The following MAP4 variants were observed in gnomAD, a reference collection of about 807,000 sequenced individuals.
MAP4 encodes microtubule associated protein 4.
A neutral mutation model predicts 170.2 loss-of-function variants in MAP4; 76 were observed. That is an observed-to-expected ratio of 0.45 (90% CI 0.37 to 0.54). The LOEUF is 0.54. Ranked by LOEUF, MAP4 falls within the 20% of genes least tolerant of loss-of-function variation. The pLI is 0.00. For synonymous variants in MAP4, 909 were observed against 994.5 expected (o/e 0.91, Z 1.62); for missense variants, 2,506 against 2,748.0 (o/e 0.91, Z 1.97).
At chr3:48,041,866 C>CAG (rs564782028) in intron 1 of MAP4, among the ~76,000 whole-genome samples, 9 of 152,116 alleles carry the variant, frequency 5.9e-5, no homozygotes, top group South Asian at 2.1e-4. Flanking sequence ...TAACATACTA[C>CAG]AGAAAGCTAT....
At chr3:48,020,798 T>G (rs1409848749), upstream of MAP4, among the ~76,000 whole-genome samples, 1 of 151,906 alleles carries the variant, frequency 6.6e-6, no homozygotes, top group Non-Finnish European at 1.5e-5. Context: ...TGTTGTTTTG[T>G]TTTTTTTAGA....
chr3:47,911,321 C>T lies in MAP4; in HGVS notation c.3100G>A (p.Glu1034Lys). Residue 1034 changes from glutamate to lysine, a missense_variant, in exon 9 of 21, where the codon GAG becomes AAG. Coordinates refer to ENST00000683076, the MANE Select transcript of MAP4 (RefSeq NM_001385682.1). This position sits in a 1 kb window ranked among gnomAD's most constrained non-coding sequence, Gnocchi z 4.0. The part of the protein sequence containing the change: ...ERQEISIFTS[E>K]QLQGQVLVQV... ...ACCAACACTTGGCCCTGCAGCTGCT[C>T]AGAAGTAAAGATGCTGATCTCTTGT... 1 of 1,536,102 alleles carries T rather than the reference C, an allele frequency of 6.5e-7. No homozygotes were observed. The highest frequency in any genetic ancestry group is 8.7e-7 in the Non-Finnish European group (1 of 1,146,898).
intron 1 of MAP4, among the ~76,000 whole-genome samples, chr3:48,056,958 C>T (rs1468709498): frequency 1.5e-5 from 2 of 130,576 alleles, no homozygotes; most frequent in Non-Finnish European, 3.3e-5. Flanking sequence ...CCCCGCCCGG[C>T]CAGCCGCCCC....
At chr3:48,011,728 G>A (rs1364890217) in intron 1 of MAP4, among the ~76,000 whole-genome samples, 2 of 152,182 alleles carry the variant, frequency 1.3e-5, no homozygotes, top group East Asian at 3.9e-4. Flanking sequence ...TCATTAAAGA[G>A]CTTTTAAAAG....
chr3:47,907,727 AAAG>A (rs2100033896), intron 9 of MAP4, among the ~76,000 whole-genome samples: 1 of 152,246 alleles, frequency 6.6e-6, no homozygotes, highest in East Asian at 1.9e-4. Flanking sequence ...TGCTGAAACT[AAAG>A]AATGGGTCTA....
At chr3:48,061,244 C>A (rs571721796) in intron 1 of MAP4, among the ~76,000 whole-genome samples, 65 of 151,632 alleles carry the variant, frequency 4.3e-4, no homozygotes, top group Admixed American at 1.4e-3. Flanking sequence ...TGATGCCGAG[C>A]CGAAGCTGGA....
chr3:48,080,158 C>G (rs1037176622), intron 1 of MAP4, among the ~76,000 whole-genome samples: 1 of 152,050 alleles, frequency 6.6e-6, no homozygotes, highest in Non-Finnish European at 1.5e-5. Flanking sequence ...AAAATTAGGA[C>G]CACTGAAGAG....
At chr3:48,022,251 G>A (rs1297224639) in intron 1 of MAP4, among the ~76,000 whole-genome samples, 3 of 152,162 alleles carry the variant, frequency 2.0e-5, no homozygotes, top group Non-Finnish European at 4.4e-5. Flanking sequence ...CACAGAGGCA[G>A]ATGAAGAAAA....
intron 2 of MAP4, among the ~76,000 whole-genome samples, chr3:47,995,089 G>C (rs994848887): frequency 4.6e-5 from 7 of 151,966 alleles, no homozygotes; most frequent in African/African-American, 1.7e-4. Flanking sequence ...TGGACCAATT[G>C]GATTTTGTAC....
chr3:48,045,258 C>CAAA (rs34377968), intron 1 of MAP4, among the ~76,000 whole-genome samples: 8 of 102,070 alleles, frequency 7.8e-5, no homozygotes, highest in Admixed American at 1.1e-4. Context: ...GACTCAGTCT[C>CAAA]AAAAAAAAAA....
rs1415576595 is a variant in MAP4, at chr3:47,909,497, G to A, written c.4924C>T (p.Gln1642Ter). The A allele has an allele frequency of 1.9e-6, 3 of 1,613,556 alleles. No homozygotes were observed. Among genetic ancestry groups the A allele is most frequent in the Non-Finnish European group, 2.5e-6 (3 of 1,179,866 alleles). ...TCTGAACCTTTGGAATTTCTATCTTGAGCATTTTGGTCCTCACAAAAACTG... is the reference window on the plus strand; with the variant it reads ...TCTGAACCTTTGGAATTTCTATCTTAAGCATTTTGGTCCTCACAAAAACTG... Reference protein sequence around the residue: ...KLSFCEDQNAQDRNSKGSDSL... With the variant: ...KLSFCEDQNA The change falls in exon 9 of 21, where the codon CAA becomes TAA. Residue 1642 changes from glutamine (Q) to a stop codon, truncating the protein, a stop_gained. Coordinates refer to ENST00000683076, the MANE Select transcript of MAP4 (RefSeq NM_001385682.1). LOFTEE classifies it high-confidence loss of function.
At chr3:47,889,537 T>A (rs2098219556) in intron 10 of MAP4, among the ~76,000 whole-genome samples, 1 of 152,240 alleles carries the variant, frequency 6.6e-6, no homozygotes, top group African/African-American at 2.4e-5. Context: ...TATAAAAGTT[T>A]TATCTACAGA....
chr3:47,947,899 C>G (rs1328012552), intron 3 of MAP4, among the ~76,000 whole-genome samples: 1 of 151,816 alleles, frequency 6.6e-6, no homozygotes, highest in South Asian at 2.1e-4. Flanking sequence ...AAGGCTATGA[C>G]AACAATACTT....
intron 10 of MAP4, chr3:47,877,755 G>C: frequency 2.9e-6 from 1 of 340,362 alleles, no homozygotes. Context: ...CAGTCTAAGG[G>C]ACACATGCAC....
At chr3:48,062,030 TGAG>T in intron 1 of MAP4, among the ~76,000 whole-genome samples, 1 of 152,222 alleles carries the variant, frequency 6.6e-6, no homozygotes, top group Non-Finnish European at 1.5e-5. Context: ...CGGGCCATGA[TGAG>T]GATGGCGGTT....
At chr3:48,033,332 C>T (rs2100117130) in intron 1 of MAP4, among the ~76,000 whole-genome samples, 1 of 152,146 alleles carries the variant, frequency 6.6e-6, no homozygotes. Context: ...GCATGCCCTC[C>T]TCATGTGGAT....
intron 8 of MAP4, among the ~76,000 whole-genome samples, chr3:47,914,594 G>GA (rs534545655): frequency 4.1e-5 from 6 of 147,398 alleles, no homozygotes; most frequent in Admixed American, 1.4e-4. Flanking sequence ...AAACAGTGGA[G>GA]AAAAAAAAAA....
In MAP4 at chr3:47,871,118, G is replaced by A. The variant is rs202195126; in HGVS notation, c.6002-13C>T. ...CGACTCAAGTCAGCTGCAAAGAAGG[G>A]AGTGAGAGATAACACGGGTTCAGGG... On this transcript the variant is annotated splice_polypyrimidine_tract_variant and intron_variant, in intron 14 of 20. Coordinates refer to ENST00000683076, the MANE Select transcript of MAP4 (RefSeq NM_001385682.1). The A allele has an allele frequency of 6.2e-7, 1 of 1,608,380 alleles. No homozygotes were observed. The highest frequency in any genetic ancestry group is 8.5e-7 in the Non-Finnish European group (1 of 1,175,540).
intron 12 of MAP4, among the ~76,000 whole-genome samples, chr3:47,873,219 GTCTC>G (rs1008922994): frequency 2.4e-4 from 36 of 152,254 alleles, no homozygotes; most frequent in African/African-American, 8.4e-4. Flanking sequence ...AAGGGAAAAA[GTCTC>G]TCAAGTATAG....
Sources: allele counts gnomAD v4.1 joint callset (sites outside exome capture counted in the v4.1 genomes callset), GRCh38; gene constraint gnomAD v4.1.1; non-coding constraint Gnocchi (gnomAD v3.1); transcripts MANE v1.5; gene names NCBI Gene and HGNC (gene_info 2026-07-23, HGNC 2026-07-21).